NPAT: variants seen among roughly 807,000 people sequenced by gnomAD.
The protein encoded by NPAT is nuclear protein, coactivator of histone transcription, also known as protein NPAT.
Under a neutral mutation model 130.7 loss-of-function variants are expected in NPAT, and 52 were observed. That is an observed-to-expected ratio of 0.40 (90% CI 0.32 to 0.50). The LOEUF (loss-of-function observed/expected upper bound fraction) is 0.50, where lower values mean the gene tolerates loss of function less well. Among genes scored for constraint, NPAT ranks in the 20% least tolerant of loss-of-function variants. The pLI is 0.68. For missense variants in NPAT, 1,687 were observed against 1,662.6 expected, an observed-to-expected ratio of 1.01 and a Z score of -0.26; for synonymous variants, 580 against 584.8, an observed-to-expected ratio of 0.99 and a Z score of 0.12.
chr11:108,184,798 T>G (rs1387260045), intron 10 of NPAT, among the ~76,000 whole-genome samples: 1 of 152,240 alleles, frequency 6.6e-6, no homozygotes, highest in Non-Finnish European at 1.5e-5. Flanking sequence ...GCCAAAGTGC[T>G]GGGATTACAG....
In NPAT at chr11:108,171,729, G is replaced by C. The variant is rs191175963; in HGVS notation, c.2785+470C>G. The C allele has an allele frequency of 8.9e-5, 14 of 157,560 alleles. No homozygotes were observed. In the East Asian group the frequency reaches 2.0e-3, roughly 23 times the overall value. 9.8% of individuals were successfully genotyped at this position (157,560 alleles called of 1,614,324 possible). A position where few individuals can be genotyped will look rare whatever the true frequency, so the allele number is the denominator to read the frequency against. On this transcript the variant is annotated intron_variant, in intron 13 of 17. Transcript: ENST00000278612. ...CTCAAACTCCTGACCTCAGGTGATC[G>C]ATCGGCCCACCTCGGCCTCCCAAAG...
chr11:108,167,775 T>A (rs1241254300), intron 15 of NPAT, among the ~76,000 whole-genome samples: 2 of 152,226 alleles, frequency 1.3e-5, no homozygotes, highest in East Asian at 3.8e-4. Flanking sequence ...ACCTCACCAA[T>A]GTTTTTTTCT....
Position 108,173,483 on chromosome 11 carries a change from G to C in NPAT, c.1501C>G (p.Gln501Glu), listed in dbSNP as rs748300044. ...SSNVPSESQL[Q>E]PDQPDIPITS... ...ATTGGTATATCAGGCTGATCAGGCTGTAACTGAGATTCACTCGGTACATTT... is the reference window on the plus strand; with the variant it reads ...ATTGGTATATCAGGCTGATCAGGCTCTAACTGAGATTCACTCGGTACATTT... Residue 501 changes from glutamine (Q) to glutamate (E), a missense_variant, in exon 13 of 18, where the codon CAG becomes GAG. Physicochemically the swap from Gln to Glu is conservative, Grantham distance 29. Transcript: ENST00000278612. 1.2e-6 allele frequency: 2 copies of C among 1,614,130 alleles called. No homozygotes were observed. Among genetic ancestry groups the C allele is most frequent in the Non-Finnish European group, 1.7e-6 (2 of 1,180,014 alleles).
chr11:108,161,607 A>C lies in NPAT; in HGVS notation c.3479T>G (p.Phe1160Cys), dbSNP rs750312221. ...VSPTEIVLES[F>C]HKATANKENE... Reference sequence around the variant, plus strand: ...CTCCTTATTAGCTGTTGCTTTATGGAAAGATTCAAGCACAATTTCTGTTGG... The same window carrying C: ...CTCCTTATTAGCTGTTGCTTTATGGCAAGATTCAAGCACAATTTCTGTTGG... The change falls in exon 17 of 18, where the codon TTC (phenylalanine) becomes TGC (cysteine). Residue 1160 changes from phenylalanine (F) to cysteine (C), a missense_variant. Phe to Cys is a radical substitution (Grantham distance 205). Transcript: ENST00000278612. The C allele has an allele frequency of 6.2e-7, 1 of 1,614,044 alleles. No homozygotes were observed. The highest frequency in any genetic ancestry group is 8.5e-7 in the Non-Finnish European group (1 of 1,180,034).
chr11:108,183,749 C>T (rs770907004), intron 10 of NPAT, among the ~76,000 whole-genome samples: 32 of 152,130 alleles, frequency 2.1e-4, no homozygotes, highest in Non-Finnish European at 3.8e-4. Flanking sequence ...GAGCCAAGAT[C>T]GTGCCACTGC....
chr11:108,191,754 T>A (rs1181371723), intron 4 of NPAT, among the ~76,000 whole-genome samples: 1 of 152,176 alleles, frequency 6.6e-6, no homozygotes, highest in Non-Finnish European at 1.5e-5. Flanking sequence ...AGAAACCAAG[T>A]GGGCATGGGT....
At chr11:108,218,174 G>A (rs2078451274) in intron 1 of NPAT, among the ~76,000 whole-genome samples, 2 of 152,200 alleles carry the variant, frequency 1.3e-5, no homozygotes, top group African/African-American at 2.4e-5. Context: ...AAAGGTCCCC[G>A]AATAGGTAAG....
chr11:108,191,039 G>C (rs1176225538), intron 4 of NPAT, among the ~76,000 whole-genome samples: 3 of 152,158 alleles, frequency 2.0e-5, no homozygotes, highest in Non-Finnish European at 4.4e-5. Context: ...CCGCATTCCA[G>C]CTTGGGTAAC....
At chr11:108,173,961 C>T in intron 12 of NPAT, 110 bp from the exon 13 acceptor site, 1 of 909,078 alleles carries the variant, frequency 1.1e-6, no homozygotes, top group East Asian at 2.6e-5. Context: ...TCTTTGCATA[C>T]CAGTAAGTGG....
chr11:108,164,906 GA>G (rs2077886808), intron 15 of NPAT, among the ~76,000 whole-genome samples: 1 of 152,170 alleles, frequency 6.6e-6, no homozygotes, highest in Admixed American at 6.5e-5. Flanking sequence ...AGCTACTCGG[GA>G]GGCTGAGGCA....
chr11:108,163,073 T>C (rs888811751), intron 15 of NPAT, among the ~76,000 whole-genome samples: 3 of 151,686 alleles, frequency 2.0e-5, no homozygotes, highest in East Asian at 1.9e-4. Context: ...TATTTATTTA[T>C]TTATTTATTT....
In NPAT at chr11:108,210,118, AAAGT is replaced by A. The variant is rs529075050; in HGVS notation, c.37+12378_37+12381del. Among the ~76,000 whole-genome samples, 369 of 151,700 alleles carry A rather than the reference AAAGT, an allele frequency of 2.4e-3. 1 individual carries two copies. Among genetic ancestry groups the A allele is most frequent in the African/African-American group, 8.3e-3 (342 of 41,312 alleles). On this transcript the variant is annotated intron_variant, in intron 1 of 17. Transcript: ENST00000278612. ...AATACTCAAATTATACTAGATCAGA[AAAGT>A]AAGAGGGGATATTACTATCAATATT...
chr11:108,190,126 A>G (rs1229732351), intron 5 of NPAT, among the ~76,000 whole-genome samples: 4 of 151,676 alleles, frequency 2.6e-5, no homozygotes, highest in Non-Finnish European at 5.9e-5. Context: ...TCTGGCTAAC[A>G]TGGCAAAACC....
At chr11:108,205,266 T>C (rs986399342) in intron 1 of NPAT, among the ~76,000 whole-genome samples, 2 of 152,198 alleles carry the variant, frequency 1.3e-5, no homozygotes, top group African/African-American at 2.4e-5. Context: ...ACCAAGAATT[T>C]TCTTTTCTTT....
At chr11:108,200,305 T>C (rs1007507496) in intron 1 of NPAT, among the ~76,000 whole-genome samples, 1 of 152,206 alleles carries the variant, frequency 6.6e-6, no homozygotes, top group African/African-American at 2.4e-5. Context: ...GAGGGATGTC[T>C]CAGGAAAGCC....
intron 1 of NPAT, among the ~76,000 whole-genome samples, chr11:108,216,459 C>T (rs1015287504): frequency 6.7e-6 from 1 of 149,158 alleles, no homozygotes; most frequent in Non-Finnish European, 1.5e-5. Flanking sequence ...TAAACATATA[C>T]AATATATTCA....
rs772949877 is a variant in NPAT at position 108,190,495 on chromosome 11, A to T, written c.296T>A (p.Met99Lys). Residue 99 changes from methionine to lysine, a missense_variant, in exon 5 of 18, where the codon ATG (methionine) becomes AAG (lysine). By Grantham distance (95) the Met-to-Lys change is moderately conservative. Coordinates refer to ENST00000278612, the MANE Select transcript of NPAT (RefSeq NM_002519.3). ...LDHTLSQIRS[M>K]QSSPRFAGSQ... ...GCCAGCAAACCTTGGGGAACTTTGC[A>T]TGCTCCTAACAAAGAAAACAAAGTA... is the stretch of plus-strand genomic sequence containing the variant. 6.2e-7 allele frequency: 1 copy of T among 1,613,848 alleles called. No individual in the cohort carries two copies. Among genetic ancestry groups the T allele is most frequent in the Admixed American group, 1.7e-5 (1 of 60,008 alleles).
In NPAT at chr11:108,178,807, A is replaced by G. The variant is rs533655812; in HGVS notation, c.907-1717T>C. ...TGGGAGGCTAAGGTTGCAATGAACC[A>G]AGATGGTGCCAGTGCACTCCAGCCT... On this transcript the variant is annotated intron_variant, in intron 10 of 17. Coordinates refer to ENST00000278612, the MANE Select transcript of NPAT (RefSeq NM_002519.3). 3.9e-5 allele frequency among the ~76,000 whole-genome samples: 6 copies of G among 152,312 alleles called. No homozygotes were observed. The South Asian group carries it at 1.2e-3, about 32-fold the overall frequency.
intron 6 of NPAT, 136 bp downstream of exon 6, chr11:108,188,970 G>T: frequency 4.1e-6 from 3 of 725,496 alleles, no homozygotes; most frequent in Non-Finnish European, 4.8e-6. Flanking sequence ...CTAGAAGTCT[G>T]TTCCACTTTT....
Sources: allele counts gnomAD v4.1 joint callset (sites outside exome capture counted in the v4.1 genomes callset), GRCh38; gene constraint gnomAD v4.1.1; transcripts MANE v1.5; gene names NCBI Gene and HGNC (gene_info 2026-07-23, HGNC 2026-07-21).